The following TRIQK variants were observed in gnomAD, a reference collection of about 807,000 sequenced individuals.
TRIQK encodes the protein triple QxxK/R motif containing.
In TRIQK, 10 loss-of-function variants were observed where a neutral mutation model predicts 10.8. The observed-to-expected ratio is 0.92, with a 90% CI of 0.57 to 1.57. The LOEUF is 1.57. Ranked by LOEUF, TRIQK falls within the 40% of genes most tolerant of loss-of-function variation. TRIQK has a pLI of 0.00. For missense variants in TRIQK, 107 were observed against 97.7 expected, an observed-to-expected ratio of 1.09 and a Z score of -0.40; for synonymous variants, 33 against 33.7, an observed-to-expected ratio of 0.98 and a Z score of 0.07.
intron 2 of TRIQK, among the ~76,000 whole-genome samples, chr8:92,932,386 GTTTGT>G (rs2130559841): frequency 6.6e-6 from 1 of 151,610 alleles, no homozygotes; most frequent in South Asian, 2.1e-4. Context: ...TACCTTTTTT[GTTTGT>G]TTTAACTAAA....
At chr8:92,943,732 C>T (rs540289834) in intron 2 of TRIQK, among the ~76,000 whole-genome samples, 3 of 152,120 alleles carry the variant, frequency 2.0e-5, no homozygotes, top group Non-Finnish European at 2.9e-5. Flanking sequence ...AGGAGAAATG[C>T]TAGGAGAAAA....
At chr8:93,015,602 CTA>C (rs1786450275) in intron 1 of TRIQK, among the ~76,000 whole-genome samples, 1 of 151,936 alleles carries the variant, frequency 6.6e-6, no homozygotes, top group South Asian at 2.1e-4. Context: ...GTTCAGGATG[CTA>C]TCTTTCTTTA....
At chr8:92,949,843 G>GAAAGA (rs1563655556) in intron 2 of TRIQK, among the ~76,000 whole-genome samples, 1 of 78,994 alleles carries the variant, frequency 1.3e-5, no homozygotes, top group East Asian at 4.7e-4. Flanking sequence ...AGAAAGAAAG[G>GAAAGA]GAGAGAAAAG....
intron 1 of TRIQK, among the ~76,000 whole-genome samples, chr8:92,976,690 C>T (rs1310039897): frequency 6.6e-6 from 1 of 151,838 alleles, no homozygotes; most frequent in Non-Finnish European, 1.5e-5. Context: ...ATTTTCTATA[C>T]GTTCAATCCC....
intron 2 of TRIQK, among the ~76,000 whole-genome samples, chr8:92,947,049 G>A (rs566032337): frequency 1.3e-5 from 2 of 151,940 alleles, no homozygotes; most frequent in South Asian, 2.1e-4. Flanking sequence ...ACAGGCGTGA[G>A]CCACTGCGCC....
At chr8:92,966,575 G>A (rs528309699), upstream of TRIQK, among the ~76,000 whole-genome samples, 85 of 152,228 alleles carry the variant, frequency 5.6e-4, no homozygotes, top group African/African-American at 2.0e-3. Flanking sequence ...TTGCAAAAAC[G>A]TGACTGACAA....
chr8:92,916,937 T>C lies in TRIQK; in HGVS notation c.53A>G (p.Lys18Arg). ...GATAATTCATTGCTTACCAATTTGT[T>C]TTCTGTACTGATCAACAGGAAGTTT... ...TIKLPVDQYR[K>R]QIGKQDYKKT... The change falls in exon 3 of 5, where the codon AAA (lysine) becomes AGA (arginine). Residue 18 changes from lysine (K) to arginine (R), a missense_variant. Coordinates refer to ENST00000521988, the MANE Select transcript of TRIQK (RefSeq NM_001171797.2). 6.7e-7 allele frequency: 1 copy of C among 1,498,006 alleles called. No individual in the cohort carries two copies. Among genetic ancestry groups the C allele is most frequent in the Admixed American group, 2.2e-5 (1 of 45,248 alleles). The allele number at this position is 1,498,006 out of a possible 1,614,324, so 92.8% of individuals were successfully genotyped here.
At chr8:93,016,744 G>A (rs1230507248) in intron 1 of TRIQK, among the ~76,000 whole-genome samples, 1 of 152,144 alleles carries the variant, frequency 6.6e-6, no homozygotes, top group Non-Finnish European at 1.5e-5. Context: ...TGGGTGATGA[G>A]GAGAGTGGAG....
chr8:92,925,419 C>G (rs1432953308), intron 2 of TRIQK, among the ~76,000 whole-genome samples: 1 of 151,944 alleles, frequency 6.6e-6, no homozygotes, highest in African/African-American at 2.4e-5. Flanking sequence ...TTAATATTTG[C>G]TTATCAAGAC....
At chr8:92,931,196 C>G (rs1434866882) in intron 2 of TRIQK, among the ~76,000 whole-genome samples, 2 of 152,116 alleles carry the variant, frequency 1.3e-5, no homozygotes, top group Non-Finnish European at 2.9e-5. Context: ...ACAAAATGTT[C>G]TGATACACTT....
intron 1 of TRIQK, among the ~76,000 whole-genome samples, chr8:92,984,560 CAG>C (rs1174343083): frequency 1.3e-5 from 2 of 152,058 alleles, no homozygotes; most frequent in Admixed American, 6.6e-5. Context: ...GGATTGAAAA[CAG>C]AAAATCATTT....
At chr8:92,904,082 TG>T (rs1332804069) in intron 3 of TRIQK, among the ~76,000 whole-genome samples, 1 of 152,024 alleles carries the variant, frequency 6.6e-6, no homozygotes, top group Non-Finnish European at 1.5e-5. Context: ...TTGGAAATAT[TG>T]AAGTGCAAAG....
intron 2 of TRIQK, chr8:92,921,314 T>G (rs1810171461): frequency 6.6e-6 from 1 of 151,606 alleles, no homozygotes; most frequent in Admixed American, 6.6e-5. Flanking sequence ...GCATAGTTAT[T>G]TCCGTGCCAG....
chr8:92,982,053 CCTT>C (rs1434309839), intron 1 of TRIQK, among the ~76,000 whole-genome samples: 1 of 150,962 alleles, frequency 6.6e-6, no homozygotes, highest in African/African-American at 2.4e-5. Context: ...TTCAATAAAG[CCTT>C]ATTTTCGAGA....
intron 3 of TRIQK, among the ~76,000 whole-genome samples, chr8:92,913,447 A>G (rs2130434488): frequency 6.6e-6 from 1 of 152,328 alleles, no homozygotes; most frequent in South Asian, 2.1e-4. Flanking sequence ...CAGAATGGCA[A>G]TCATTAAAAA....
chr8:92,907,311 TTAC>T (rs1809327077), intron 3 of TRIQK, among the ~76,000 whole-genome samples: 2 of 152,172 alleles, frequency 1.3e-5, no homozygotes, highest in Non-Finnish European at 2.9e-5. Context: ...CCCTAAAAGA[TTAC>T]CTTTGTGAAT....
chr8:92,988,409 T>C (rs949814156), intron 1 of TRIQK, among the ~76,000 whole-genome samples: 15 of 152,310 alleles, frequency 9.8e-5, no homozygotes, highest in Middle Eastern at 3.4e-3. Flanking sequence ...AAAGTATGTA[T>C]GTTTGTGTAT....
intron 3 of TRIQK, among the ~76,000 whole-genome samples, chr8:92,897,487 TATC>T (rs1808672848): frequency 6.6e-6 from 1 of 152,278 alleles, no homozygotes; most frequent in Admixed American, 6.5e-5. Flanking sequence ...ATGAATTAGT[TATC>T]ACAGGAGTGG....
At chr8:92,941,746 A>C (rs1811280008) in intron 2 of TRIQK, among the ~76,000 whole-genome samples, 1 of 152,196 alleles carries the variant, frequency 6.6e-6, no homozygotes, top group Non-Finnish European at 1.5e-5. Context: ...ATGGAAAAGA[A>C]GGCATTGCAC....
Sources: allele counts gnomAD v4.1 joint callset (sites outside exome capture counted in the v4.1 genomes callset), GRCh38; gene constraint gnomAD v4.1.1; transcripts MANE v1.5; gene names NCBI Gene and HGNC (gene_info 2026-07-23, HGNC 2026-07-21).